MATN2: variants seen among roughly 807,000 people sequenced by gnomAD.
MATN2 encodes the protein matrilin-2.
A neutral mutation model predicts 103.2 loss-of-function variants in MATN2; 69 were observed. That is an observed-to-expected ratio of 0.67 (90% CI 0.55 to 0.82). The LOEUF (loss-of-function observed/expected upper bound fraction) is 0.82. Ranked by LOEUF, MATN2 falls within the 40% of genes least tolerant of loss-of-function variation. MATN2 has a pLI of 0.00. For missense variants in MATN2, 1,023 were observed against 1,211.5 expected, an observed-to-expected ratio of 0.84 and a Z score of 2.31; for synonymous variants, 429 against 450.2, an observed-to-expected ratio of 0.95 and a Z score of 0.60.
Position 98,018,039 on chromosome 8 carries a change from G to T in MATN2, c.1742G>T (p.Cys581Phe), listed in dbSNP as rs376327150. The T allele has an allele frequency of 3.1e-6, 5 of 1,613,792 alleles. No individual in the cohort carries two copies. Among genetic ancestry groups the T allele is most frequent in the Non-Finnish European group, 3.4e-6 (4 of 1,179,808 alleles). The change falls in exon 12 of 19, where the codon TGT (cysteine) becomes TTT (phenylalanine). Residue 581 changes from cysteine (C) to phenylalanine (F), a missense_variant. Cys to Phe is a radical substitution (Grantham distance 205). Transcript: ENST00000254898. ...ATAGACCATGGCTGTGAACACATTTGTGTGAACAGTGATGACTCATACACG... is the reference window on the plus strand; with the variant it reads ...ATAGACCATGGCTGTGAACACATTTTTGTGAACAGTGATGACTCATACACG... ...QAIDHGCEHI[C>F]VNSDDSYTCE...
rs1474521027 is a variant in MATN2, at chr8:98,030,535, A to T, written c.2430A>T (p.Thr810=). Residue 810 remains threonine (T), a synonymous_variant, in exon 15 of 19, where the codon ACA becomes ACT. Transcript: ENST00000254898. ...TACAAGAGATTGCCTCTGAGCCCAC[A>T]AACAAGCATCTCTTCTATGCCGAAG... ...EELQEIASEP[T]NKHLFYAEDF... The T allele has an allele frequency of 6.2e-7, 1 of 1,613,966 alleles. No individual in the cohort carries two copies. The highest frequency in any genetic ancestry group is 1.1e-5 in the South Asian group (1 of 91,086).
intron 2 of MATN2, among the ~76,000 whole-genome samples, chr8:97,908,717 C>G (rs975088996): frequency 5.3e-5 from 8 of 152,054 alleles, no homozygotes; most frequent in African/African-American, 1.9e-4. Flanking sequence ...CTGCAACCTC[C>G]GCCTCCTGGT....
chr8:97,895,971 C>T (rs1818794201), intron 2 of MATN2, among the ~76,000 whole-genome samples: 1 of 152,126 alleles, frequency 6.6e-6, no homozygotes, highest in Non-Finnish European at 1.5e-5. Context: ...GAAAGACACG[C>T]GTACTCTTGA....
At chr8:97,930,117 A>G (rs1028163603) in intron 2 of MATN2, among the ~76,000 whole-genome samples, 1 of 152,180 alleles carries the variant, frequency 6.6e-6, no homozygotes, top group Non-Finnish European at 1.5e-5. Flanking sequence ...AACACCACGC[A>G]TCTATAAGGT....
intron 12 of MATN2, among the ~76,000 whole-genome samples, chr8:98,019,142 T>C (rs1813486013): frequency 6.6e-6 from 1 of 151,458 alleles, no homozygotes; most frequent in African/African-American, 2.4e-5. Flanking sequence ...TATATGTGTG[T>C]GATGTATATA....
chr8:97,974,763 T>C (rs1487173347), intron 5 of MATN2, among the ~76,000 whole-genome samples: 1 of 152,212 alleles, frequency 6.6e-6, no homozygotes, highest in Non-Finnish European at 1.5e-5. Flanking sequence ...GTTTTTATAA[T>C]ATTTAAATTA....
Position 97,895,048 on chromosome 8 carries a change from T to C in MATN2, c.142+6806T>C, listed in dbSNP as rs529717022. Among the ~76,000 whole-genome samples the C allele has an allele frequency of 3.3e-5, 5 of 152,280 alleles. No individual in the cohort carries two copies. In the East Asian group the frequency reaches 7.7e-4, roughly 23 times the overall value. On this transcript the variant is annotated intron_variant, in intron 2 of 18. Transcript: ENST00000254898. ...CCACCATGCCCGGCTAATTTTTGTATTTTTAGTAGAGACGGGGTTTCATCA... is the reference window on the plus strand; with the variant it reads ...CCACCATGCCCGGCTAATTTTTGTACTTTTAGTAGAGACGGGGTTTCATCA...
intron 1 of MATN2, among the ~76,000 whole-genome samples, chr8:97,883,744 C>T (rs1447191208): frequency 2.6e-5 from 4 of 152,050 alleles, no homozygotes; most frequent in African/African-American, 7.2e-5. Flanking sequence ...TTAGTAGAGA[C>T]GGGGTTTCAC....
chr8:97,992,166 T>C (rs1382380839), intron 6 of MATN2, among the ~76,000 whole-genome samples: 1 of 152,164 alleles, frequency 6.6e-6, no homozygotes, highest in Non-Finnish European at 1.5e-5. Flanking sequence ...GGACTGTTTT[T>C]AAGGGAAAGG....
chr8:98,003,763 C>G lies in MATN2; in HGVS notation c.1307C>G (p.Pro436Arg). ...CRCHRGYTLD[P>R]NGKTCSRVDH... Reference sequence around the variant, plus strand: ...TGCCACCGTGGCTACACTCTGGACCCCAATGGCAAAACCTGCAGCCGTGAG... The same window carrying G: ...TGCCACCGTGGCTACACTCTGGACCGCAATGGCAAAACCTGCAGCCGTGAG... Residue 436 changes from proline (P) to arginine (R), a missense_variant, in exon 8 of 19, where the codon CCC (proline) becomes CGC (arginine). Pro to Arg is a moderately radical substitution (Grantham distance 103, BLOSUM62 -2). Transcript: ENST00000254898. 1 of 1,613,866 alleles carries G rather than the reference C, an allele frequency of 6.2e-7. No individual in the cohort carries two copies. The highest frequency in any genetic ancestry group is 1.1e-5 in the South Asian group (1 of 91,078).
intron 2 of MATN2, among the ~76,000 whole-genome samples, 173 bp from the exon 3 acceptor site, chr8:97,930,780 C>G (rs867396020): frequency 1.3e-5 from 2 of 152,184 alleles, no homozygotes; most frequent in South Asian, 2.1e-4. Flanking sequence ...CGCCACCACA[C>G]CCGGCTAATT....
chr8:97,928,466 T>C (rs556483590), intron 2 of MATN2, among the ~76,000 whole-genome samples: 97 of 152,318 alleles, frequency 6.4e-4, no homozygotes, highest in African/African-American at 2.1e-3. Context: ...GACCTTGTGA[T>C]CCTCCCGCCT....
At chr8:97,991,431 T>C (rs559801134) in intron 6 of MATN2, among the ~76,000 whole-genome samples, 1 of 152,174 alleles carries the variant, frequency 6.6e-6, no homozygotes, top group African/African-American at 2.4e-5. Flanking sequence ...CTTAAAAAAA[T>C]TATTTTTCTG....
At chr8:97,981,831 A>C (rs1812034181) in intron 6 of MATN2, among the ~76,000 whole-genome samples, 1 of 152,126 alleles carries the variant, frequency 6.6e-6, no homozygotes, top group African/African-American at 2.4e-5. Context: ...CCAGATCCCC[A>C]GCCCAGGGTG....
intron 1 of MATN2, among the ~76,000 whole-genome samples, chr8:97,876,515 G>A (rs1049360930): frequency 6.6e-6 from 1 of 151,832 alleles, no homozygotes; most frequent in South Asian, 2.1e-4. Flanking sequence ...GTAGAGACAG[G>A]GTCTCACAAT....
chr8:97,978,946 GCTC>G lies in MATN2; in HGVS notation c.1022_1024del (p.Ser341del), dbSNP rs1811932735. Reference sequence around the variant, plus strand: ...GAACATGAGTGTGTAAATGCTGATGGCTCCTACCTTTGCCAGTGCCATGAAGGA... The same window carrying G: ...GAACATGAGTGTGTAAATGCTGATGGCTACCTTTGCCAGTGCCATGAAGGA... On this transcript the variant is annotated inframe_deletion, in exon 6 of 19. Coordinates refer to ENST00000254898, the MANE Select transcript of MATN2 (RefSeq NM_002380.5). 1 of 1,613,384 alleles carries G rather than the reference GCTC, an allele frequency of 6.2e-7. No individual in the cohort carries two copies. Among genetic ancestry groups the G allele is most frequent in the Admixed American group, 1.7e-5 (1 of 59,982 alleles).
intron 2 of MATN2, among the ~76,000 whole-genome samples, chr8:97,904,287 T>A (rs1161140192): frequency 6.6e-6 from 1 of 152,242 alleles, no homozygotes; most frequent in Non-Finnish European, 1.5e-5. Context: ...AAGCCATTAG[T>A]CTATTTGACT....
chr8:97,967,996 C>A (rs1811540078), intron 5 of MATN2, among the ~76,000 whole-genome samples: 3 of 152,260 alleles, frequency 2.0e-5, no homozygotes, highest in African/African-American at 7.2e-5. Context: ...AGCTGCCAAG[C>A]CTCTTTCATG....
At chr8:97,936,548 A>T (rs1042246116) in intron 3 of MATN2, among the ~76,000 whole-genome samples, 2 of 152,150 alleles carry the variant, frequency 1.3e-5, no homozygotes, top group Non-Finnish European at 2.9e-5. Context: ...CCACCTCCCT[A>T]CACTGACCAC....
Sources: gnomAD v4.1 joint callset for allele counts (sites outside exome capture counted in the v4.1 genomes callset) on GRCh38, gnomAD v4.1.1 for gene constraint, MANE v1.5 for transcripts, NCBI Gene and HGNC (gene_info 2026-07-23, HGNC 2026-07-21) for gene names.